OAS1: variants seen among roughly 807,000 people sequenced by gnomAD.
The protein encoded by OAS1 is 2'-5'-oligoadenylate synthetase 1, also known as 2'-5'-oligoadenylate synthase 1.
Under a neutral mutation model 38.5 loss-of-function variants are expected in OAS1, and 24 were observed. That is an observed-to-expected ratio of 0.62 (90% confidence interval 0.45 to 0.88). The LOEUF (loss-of-function observed/expected upper bound fraction) is 0.88. OAS1 is among the 40% of genes least tolerant of loss of function. OAS1 has a pLI of 0.00. For missense variants in OAS1, 482 were observed against 493.9 expected, an observed-to-expected ratio of 0.98 and a Z score of 0.23; for synonymous variants, 169 against 193.9, an observed-to-expected ratio of 0.87 and a Z score of 1.07.
At chr12:112,920,398 C>T (rs116402904), downstream of OAS1, among the ~76,000 whole-genome samples, 147 of 152,284 alleles carry the variant, frequency 9.7e-4, no homozygotes, top group African/African-American at 3.4e-3. Context: ...AAAAGAATGC[C>T]AAGTTCTTGC....
rs1259535128 is a variant in OAS1 at position 112,908,745 on chromosome 12, T to A, written c.390T>A (p.Arg130=). Residue 130 remains arginine, a synonymous_variant, in exon 2 of 6, where the codon CGT becomes CGA. Transcript: ENST00000202917. The part of the protein sequence containing the change: ...EVQAPRWGNP[R]ALSFVLSSLQ... The stretch of plus-strand genomic sequence containing the variant: ...AGGCTCCACGCTGGGGCAACCCCCG[T>A]GCGCTCAGCTTCGTACTGAGTTCGC... 2 of 1,614,066 alleles carry A rather than the reference T, an allele frequency of 1.2e-6. No homozygotes were observed. The highest frequency in any genetic ancestry group is 2.2e-5 in the East Asian group (1 of 44,890).
chr12:112,910,493 G>C (rs2043360436), intron 2 of OAS1, among the ~76,000 whole-genome samples: 1 of 152,166 alleles, frequency 6.6e-6, no homozygotes, highest in Non-Finnish European at 1.5e-5. Context: ...TCGTGAGGGA[G>C]GGTCCCTGAG....
intron 3 of OAS1, among the ~76,000 whole-genome samples, chr12:112,916,180 G>T (rs1276091207): frequency 2.6e-5 from 4 of 152,170 alleles, no homozygotes; most frequent in Non-Finnish European, 5.9e-5. Flanking sequence ...CATCTACTTA[G>T]AATTGGACAA....
At position 112,917,659 on chromosome 12, in the gene OAS1, A is replaced by C; in HGVS notation, c.997A>C (p.Lys333Gln). The C allele has an allele frequency of 6.2e-7, 1 of 1,614,178 alleles. No individual in the cohort carries two copies. The highest frequency in any genetic ancestry group is 1.6e-4 in the Middle Eastern group (1 of 6,062). ...AEAWLNYPCF[K>Q]NWDGSPVSSW... ...GGCCTGGCTGAATTACCCATGCTTT[A>C]AGAATTGGGATGGGTCCCCAGTGAG... is the stretch of plus-strand genomic sequence containing the variant. The change falls in exon 5 of 6, where the codon AAG becomes CAG. Residue 333 changes from lysine to glutamine, a missense_variant. Transcript: ENST00000202917.
intron 3 of OAS1, among the ~76,000 whole-genome samples, chr12:112,912,066 G>A (rs571963342): frequency 6.8e-4 from 104 of 152,280 alleles, no homozygotes; most frequent in African/African-American, 2.2e-3. Context: ...GGCTGGGCGC[G>A]GTAGCTCACA....
chr12:112,923,418 A>G (rs1249386077), downstream of OAS1, among the ~76,000 whole-genome samples: 1 of 152,210 alleles, frequency 6.6e-6, no homozygotes, highest in Non-Finnish European at 1.5e-5. Flanking sequence ...ACCAGGAGTA[A>G]GGTGATATTG....
downstream of OAS1, among the ~76,000 whole-genome samples, chr12:112,924,060 T>C (rs866171396): frequency 1.3e-5 from 2 of 152,216 alleles, no homozygotes; most frequent in African/African-American, 4.8e-5. Context: ...TATTTTTATA[T>C]GGCATGTGAG....
intron 6 of OAS1, among the ~76,000 whole-genome samples, chr12:112,928,067 T>C (rs1232243455): frequency 6.6e-6 from 1 of 152,194 alleles, no homozygotes; most frequent in African/African-American, 2.4e-5. Context: ...AAGTGACGTA[T>C]TAAGCCTAGT....
intron 6 of OAS1, chr12:112,931,849 G>A (rs1253348704): frequency 8.6e-6 from 6 of 694,672 alleles, no homozygotes; most frequent in Non-Finnish European, 1.6e-5. Flanking sequence ...CAATATGAGA[G>A]TGACACACAC....
At position 112,919,377 on chromosome 12, in the gene OAS1, T is replaced by A. The variant is rs777030755; in HGVS notation, c.1039-12T>A. Reference sequence around the variant, plus strand: ...AGACTCCCTGATGTGATCATGTGTCTCACCCTTTCAGGCTGAAAGCAACAG... The same window carrying A: ...AGACTCCCTGATGTGATCATGTGTCACACCCTTTCAGGCTGAAAGCAACAG... On this transcript the variant is annotated splice_polypyrimidine_tract_variant and intron_variant, in intron 5 of 5. Transcript: ENST00000202917. The A allele has an allele frequency of 2.3e-5, 37 of 1,606,656 alleles. No individual in the cohort carries two copies. The highest frequency in any genetic ancestry group is 3.1e-5 in the Non-Finnish European group (37 of 1,175,096).
At chr12:112,929,932 TA>T (rs1278316029) in intron 6 of OAS1, among the ~76,000 whole-genome samples, 1 of 152,186 alleles carries the variant, frequency 6.6e-6, no homozygotes, top group Non-Finnish European at 1.5e-5. Flanking sequence ...CTGAGGCTGA[TA>T]TAGTTTGAAT....
At chr12:112,912,492 C>T (rs1409256769) in intron 3 of OAS1, among the ~76,000 whole-genome samples, 1 of 152,056 alleles carries the variant, frequency 6.6e-6, no homozygotes, top group East Asian at 1.9e-4. Context: ...AAAGTAACAC[C>T]TCTAGGTAAA....
Position 112,906,993 on chromosome 12 carries a change from G to A in OAS1, c.-47G>A. On this transcript the variant is annotated 5_prime_UTR_variant, in exon 1 of 6. Transcript: ENST00000202917. Reference sequence around the variant, plus strand: ...AGCTCAGTCAGCAGAAGAGATAAAAGCAAACAGGTCTGGGAGGCAGTTCTG... The same window carrying A: ...AGCTCAGTCAGCAGAAGAGATAAAAACAAACAGGTCTGGGAGGCAGTTCTG... The A allele has an allele frequency of 6.2e-7, 1 of 1,603,252 alleles. No individual in the cohort carries two copies. Among genetic ancestry groups the A allele is most frequent in the African/African-American group, 1.3e-5 (1 of 74,824 alleles).
chr12:112,910,657 C>G (rs1345095323), intron 2 of OAS1, among the ~76,000 whole-genome samples: 1 of 152,124 alleles, frequency 6.6e-6, no homozygotes, highest in Non-Finnish European at 1.5e-5. Flanking sequence ...GGAAGCAAGA[C>G]AGGAGGTGAG....
downstream of OAS1, among the ~76,000 whole-genome samples, chr12:112,921,703 G>A (rs1035765626): frequency 1.1e-4 from 16 of 152,150 alleles, no homozygotes; most frequent in Non-Finnish European, 1.5e-4. Context: ...GTAGAGGGGC[G>A]ACTTGCACCA....
intron 3 of OAS1, 96 bp downstream of exon 3, chr12:112,911,331 A>T: frequency 8.7e-6 from 7 of 806,056 alleles, no homozygotes; most frequent in Non-Finnish European, 1.3e-5. Flanking sequence ...AGGGAAGAGG[A>T]GGGGGAGTGG....
rs774202670 is a variant in OAS1 at position 112,917,773 on chromosome 12, A to G, written c.1038+73A>G. On this transcript the variant is annotated intron_variant, in intron 5 of 5. Coordinates refer to ENST00000202917, the MANE Select transcript of OAS1 (RefSeq NM_016816.4). ...TGAAGCTTGAGACATATAGCTGGAG[A>G]CCATTCTTTCCAAAGAACTTACCTC... 5.0e-6 allele frequency: 8 copies of G among 1,613,976 alleles called. No homozygotes were observed. The South Asian group carries it at 5.5e-5, about 11-fold the overall frequency.
At chr12:112,907,352 ATCT>A in intron 1 of OAS1, 133 bp downstream of exon 1, 1 of 774,250 alleles carries the variant, frequency 1.3e-6, no homozygotes. Context: ...GAGAGCTGAG[ATCT>A]TCTGGGATGG....
chr12:112,913,778 T>A (rs2043417359), intron 3 of OAS1, among the ~76,000 whole-genome samples: 1 of 152,192 alleles, frequency 6.6e-6, no homozygotes, highest in Non-Finnish European at 1.5e-5. Flanking sequence ...CCTAGTTATT[T>A]TATTTTTAAT....
Sources: gnomAD v4.1 joint callset for allele counts (sites outside exome capture counted in the v4.1 genomes callset) on GRCh38, gnomAD v4.1.1 for gene constraint, MANE v1.5 for transcripts, NCBI Gene and HGNC (gene_info 2026-07-23, HGNC 2026-07-21) for gene names.